Variants in LYG2 observed in about 807,000 individuals in gnomAD.
LYG2 encodes the protein lysozyme g2, also known as lysozyme g-like protein 2.
Under a neutral mutation model 22.4 loss-of-function variants are expected in LYG2, and 25 were observed. That is an observed-to-expected ratio of 1.12 (90% CI 0.81 to 1.56). The LOEUF is 1.56. Ranked by LOEUF, LYG2 falls within the 40% of genes most tolerant of loss-of-function variation. LYG2 has a pLI of 0.00. For synonymous variants in LYG2, 88 were observed against 97.0 expected, an observed-to-expected ratio of 0.91 and a Z score of 0.55; for missense variants, 266 against 269.5, an observed-to-expected ratio of 0.99 and a Z score of 0.09.
intron 3 of LYG2, 150 bp downstream of exon 3, chr2:99,254,068 T>C: frequency 1.4e-6 from 1 of 724,044 alleles, no homozygotes; most frequent in Non-Finnish European, 2.4e-6. Context: ...CTGTTAATTA[T>C]AGAAATAATA....
chr2:99,245,612 T>TAAA (rs34440649), intron 4 of LYG2, among the ~76,000 whole-genome samples, 154 bp from the exon 5 acceptor site: 2 of 125,540 alleles, frequency 1.6e-5, no homozygotes, highest in Non-Finnish European at 3.4e-5. Context: ...CATCTCTAAT[T>TAAA]AAAAAAAAAA....
intron 6 of LYG2, chr2:99,243,720 TAG>T: frequency 6.6e-6 from 3 of 454,550 alleles, no homozygotes; most frequent in Non-Finnish European, 7.6e-6. Flanking sequence ...TTTTTTTTTG[TAG>T]AGACAGGGTC....
chr2:99,248,466 GTAAACTAT>G (rs2094020208), intron 3 of LYG2, among the ~76,000 whole-genome samples: 1 of 151,516 alleles, frequency 6.6e-6, no homozygotes, highest in South Asian at 2.1e-4. Context: ...ATCATTCTCA[GTAAACTAT>G]CACCAAGGAC....
At chr2:99,246,921 A>C (rs1369219854) in intron 3 of LYG2, 101 bp from the exon 4 acceptor site, 1 of 1,058,030 alleles carries the variant, frequency 9.5e-7, no homozygotes, top group Non-Finnish European at 1.4e-6. Flanking sequence ...CCACAGACAG[A>C]ACTCCCCAAC....
chr2:99,243,543 T>G, intron 6 of LYG2: 4 of 1,431,452 alleles, frequency 2.8e-6, no homozygotes, highest in Non-Finnish European at 3.8e-6. Flanking sequence ...GATAGATAAA[T>G]TTTTTTTTGA....
chr2:99,242,330 A>G lies in LYG2; in HGVS notation c.*34T>C. The G allele has an allele frequency of 7.4e-7, 1 of 1,347,230 alleles. No individual in the cohort carries two copies. 83.5% of individuals were successfully genotyped at this position (1,347,230 alleles called of 1,614,324 possible). ...AACTCTCAAAGGCGGCCATCTGAGC[A>G]CTCTGCCAACCTGGCCCACCCACAG... On this transcript the variant is annotated 3_prime_UTR_variant, in exon 7 of 7. Coordinates refer to ENST00000333017, the MANE Select transcript of LYG2 (RefSeq NM_175735.4).
In LYG2 at chr2:99,242,568, G is replaced by A. The variant is rs576982419; in HGVS notation, c.521-86C>T. On this transcript the variant is annotated intron_variant, in intron 6 of 6. Coordinates refer to ENST00000333017, the MANE Select transcript of LYG2 (RefSeq NM_175735.4). The stretch of plus-strand genomic sequence containing the variant: ...GCATTGCCAAGATGTTAGCTTTCCA[G>A]GCAAATCTTCCAAAGCAGGCAGTCC... 1.1e-5 allele frequency: 10 copies of A among 888,954 alleles called. No individual in the cohort carries two copies. In the East Asian group the frequency reaches 2.5e-4, roughly 22 times the overall value. 55.1% of individuals were successfully genotyped at this position (888,954 alleles called of 1,614,324 possible). A position where few individuals can be genotyped will look rare whatever the true frequency, so the allele number is the denominator to read the frequency against.
intron 3 of LYG2, among the ~76,000 whole-genome samples, chr2:99,248,346 T>C (rs1020052660): frequency 1.3e-5 from 2 of 151,942 alleles, no homozygotes; most frequent in Admixed American, 6.6e-5. Context: ...TGTCCAACAA[T>C]GATAGACTGG....
In LYG2 at chr2:99,242,306, A is replaced by G; in HGVS notation, c.*58T>C. On this transcript the variant is annotated 3_prime_UTR_variant, in exon 7 of 7. Coordinates refer to ENST00000333017, the MANE Select transcript of LYG2 (RefSeq NM_175735.4). Reference sequence around the variant, plus strand: ...GTTGTATACAACACATTCACGTAAAACTCTCAAAGGCGGCCATCTGAGCAC... The same window carrying G: ...GTTGTATACAACACATTCACGTAAAGCTCTCAAAGGCGGCCATCTGAGCAC... 1 of 906,226 alleles carries G rather than the reference A, an allele frequency of 1.1e-6. No individual in the cohort carries two copies. Among genetic ancestry groups the G allele is most frequent in the Non-Finnish European group, 1.7e-6 (1 of 572,536 alleles). The allele number at this position is 906,226 out of a possible 1,614,324, so 56.1% of individuals were successfully genotyped here. A position where few individuals can be genotyped will look rare whatever the true frequency, so the allele number is the denominator to read the frequency against.
intron 3 of LYG2, among the ~76,000 whole-genome samples, chr2:99,251,648 C>T (rs1011947207): frequency 4.6e-5 from 7 of 151,998 alleles, no homozygotes; most frequent in Admixed American, 2.0e-4. Flanking sequence ...CTGAAATAAA[C>T]GACAGCTCCA....
At chr2:99,243,610 A>G (rs1484433768) in intron 6 of LYG2, 9 of 1,016,854 alleles carry the variant, frequency 8.9e-6, no homozygotes, top group Non-Finnish European at 1.3e-5. Context: ...ATCAATGCTC[A>G]CTGCAGCCTT....
upstream of LYG2, among the ~76,000 whole-genome samples, chr2:99,258,053 C>A (rs192587464): frequency 2.0e-5 from 3 of 152,224 alleles, no homozygotes; most frequent in Non-Finnish European, 2.9e-5. Flanking sequence ...TCCCTTGGTC[C>A]CCTCGCCCTC....
rs527975757 is a variant in LYG2 at position 99,251,051 on chromosome 2, GAAAC to G, written c.43+3163_43+3166del. 2.0e-3 allele frequency among the ~76,000 whole-genome samples: 304 copies of G among 152,210 alleles called. 3 individuals are homozygous for G. The highest frequency in any genetic ancestry group is 7.1e-3 in the African/African-American group (294 of 41,536). On this transcript the variant is annotated intron_variant, in intron 3 of 6. Coordinates refer to ENST00000333017, the MANE Select transcript of LYG2 (RefSeq NM_175735.4). Reference sequence around the variant, plus strand: ...GTGTGATTTGCTCATATTTTCAAAAGAAACAATACAAGGATGAATGAAAAACTGA... The same window carrying G: ...GTGTGATTTGCTCATATTTTCAAAAGAATACAAGGATGAATGAAAAACTGA...
rs1241567490 is a variant in LYG2, at chr2:99,255,594, G to A, written c.-144+9C>T. Among the ~76,000 whole-genome samples the A allele has an allele frequency of 6.6e-6, 1 of 152,134 alleles. No homozygotes were observed. Among genetic ancestry groups the A allele is most frequent in the Non-Finnish European group, 1.5e-5 (1 of 68,022 alleles). ...ACTAGCAATTTTTATTCTTGGATTG[G>A]TTATTTACCTGAAATATTGGGTCTC... is the stretch of plus-strand genomic sequence containing the variant. On this transcript the variant is annotated intron_variant, in intron 1 of 6. Coordinates refer to ENST00000333017, the MANE Select transcript of LYG2 (RefSeq NM_175735.4).
chr2:99,260,331 A>G (rs2094045040), upstream of LYG2, among the ~76,000 whole-genome samples: 1 of 152,184 alleles, frequency 6.6e-6, no homozygotes, highest in South Asian at 2.1e-4. Flanking sequence ...TCACTCATTT[A>G]AAGTGTGCAA....
intron 2 of LYG2, 82 bp from the exon 3 acceptor site, chr2:99,254,367 A>T (rs1051372195): frequency 2.2e-5 from 24 of 1,086,450 alleles, no homozygotes; most frequent in Non-Finnish European, 3.3e-5. Flanking sequence ...TATTTTAAAA[A>T]GTTTAGAGTT....
chr2:99,249,426 C>CAA (rs74617660), intron 3 of LYG2, among the ~76,000 whole-genome samples: 4 of 92,582 alleles, frequency 4.3e-5, no homozygotes, highest in Admixed American at 3.3e-4. Context: ...TCTCAAATCT[C>CAA]AAAAAAAAAA....
chr2:99,244,900 C>T (rs953172869), intron 5 of LYG2, among the ~76,000 whole-genome samples: 3 of 152,004 alleles, frequency 2.0e-5, no homozygotes, highest in African/African-American at 4.8e-5. Flanking sequence ...CACCTGAGGT[C>T]AGGAGTTCAA....
At chr2:99,244,599 T>G (rs2094012501) in intron 5 of LYG2, among the ~76,000 whole-genome samples, 1 of 152,192 alleles carries the variant, frequency 6.6e-6, no homozygotes, top group African/African-American at 2.4e-5. Context: ...TTATACCATG[T>G]TTTGATCCAC....
Sources: allele counts gnomAD v4.1 joint callset (sites outside exome capture counted in the v4.1 genomes callset), GRCh38; gene constraint gnomAD v4.1.1; transcripts MANE v1.5; gene names NCBI Gene and HGNC (gene_info 2026-07-23, HGNC 2026-07-21).